MERTK: variants seen among roughly 807,000 people sequenced by gnomAD.
MERTK encodes the protein tyrosine-protein kinase Mer.
A neutral mutation model predicts 99.3 loss-of-function variants in MERTK; 69 were observed. That is an observed-to-expected ratio of 0.70 (90% CI 0.57 to 0.85). The LOEUF is 0.85. Among genes scored for constraint, MERTK ranks in the 40% least tolerant of loss-of-function variants. The pLI is 0.00. For synonymous variants in MERTK, 426 were observed against 467.6 expected, an observed-to-expected ratio of 0.91 and a Z score of 1.15; for missense variants, 1,125 against 1,249.4, an observed-to-expected ratio of 0.90 and a Z score of 1.50.
At chr2:111,925,894 G>A (rs889385583) in intron 1 of MERTK, among the ~76,000 whole-genome samples, 2 of 150,570 alleles carry the variant, frequency 1.3e-5, no homozygotes, top group African/African-American at 2.4e-5. Context: ...GTACAGTGGC[G>A]CGATCTCGGC....
chr2:111,941,031 G>C, intron 2 of MERTK: 1 of 532,726 alleles, frequency 1.9e-6, no homozygotes, highest in South Asian at 1.7e-5. Context: ...GCTTTCATTG[G>C]AACATGCTCC....
intron 2 of MERTK, among the ~76,000 whole-genome samples, chr2:111,938,527 T>G (rs1304250060): frequency 6.6e-6 from 1 of 152,168 alleles, no homozygotes; most frequent in African/African-American, 2.4e-5. Flanking sequence ...GGACTGAGGG[T>G]TAGAGACATG....
rs200274222 is a variant in MERTK at position 111,925,871 on chromosome 2, C to G, written c.62-3249C>G. ...TTTCTGAGACAGAGTCTCGCTCTGT[C>G]CCCCAGGCTAGAGTACAGTGGCGCG... is the stretch of plus-strand genomic sequence containing the variant. On this transcript the variant is annotated intron_variant, in intron 1 of 18. Transcript: ENST00000295408. Among the ~76,000 whole-genome samples the G allele has an allele frequency of 2.0e-5, 3 of 150,786 alleles. No homozygotes were observed. The East Asian group carries it at 5.9e-4, about 30-fold the overall frequency.
intron 2 of MERTK, among the ~76,000 whole-genome samples, chr2:111,932,891 G>T (rs996601529): frequency 1.3e-5 from 2 of 152,138 alleles, no homozygotes; most frequent in Non-Finnish European, 2.9e-5. Context: ...CGAAGGGGAC[G>T]TTATCTCAGG....
rs991452840 is a variant in MERTK at position 111,940,725 on chromosome 2, A to G, written c.483-4235A>G. The stretch of plus-strand genomic sequence containing the variant: ...CATTGTCAGCAGTTTTTGCATTATC[A>G]GGTACTAAGTCCTTGTATTTTTCAG... On this transcript the variant is annotated intron_variant, in intron 2 of 18. Coordinates refer to ENST00000295408, the MANE Select transcript of MERTK (RefSeq NM_006343.3). The G allele has an allele frequency of 4.5e-5, 37 of 830,492 alleles. No individual in the cohort carries two copies. In the Middle Eastern group the frequency reaches 8.9e-4, roughly 20 times the overall value. 51.4% of individuals were successfully genotyped at this position (830,492 alleles called of 1,614,324 possible). A position where few individuals can be genotyped will look rare whatever the true frequency, so the allele number is the denominator to read the frequency against.
chr2:111,926,692 A>G (rs1372773747), intron 1 of MERTK, among the ~76,000 whole-genome samples: 1 of 152,120 alleles, frequency 6.6e-6, no homozygotes, highest in Non-Finnish European at 1.5e-5. Context: ...GCGCCACTGC[A>G]CTCCACTCCA....
chr2:111,958,864 C>T (rs79726026), intron 4 of MERTK, among the ~76,000 whole-genome samples: 2 of 152,126 alleles, frequency 1.3e-5, no homozygotes, highest in East Asian at 1.9e-4. Flanking sequence ...AATAAACCTC[C>T]GGTTTTACCA....
chr2:111,901,351 C>A (rs1684039282), intron 1 of MERTK, among the ~76,000 whole-genome samples: 1 of 152,004 alleles, frequency 6.6e-6, no homozygotes, highest in Non-Finnish European at 1.5e-5. Context: ...TATTTCTTTT[C>A]CAAACTGATA....
rs762501941 is a variant in MERTK at position 112,019,536 on chromosome 2, G to A, written c.2189+14G>A. The A allele has an allele frequency of 1.3e-6, 2 of 1,584,296 alleles. No homozygotes were observed. Among genetic ancestry groups the A allele is most frequent in the South Asian group, 2.2e-5 (2 of 90,446 alleles). On this transcript the variant is annotated intron_variant, in intron 16 of 18. Transcript: ENST00000295408. ...TCGAAACTGCATGTAAGAGTCCTCG[G>A]CTATCCTGGAAGGGTTTGGACCTCA...
At chr2:111,976,304 A>G (rs1342430787) in intron 7 of MERTK, among the ~76,000 whole-genome samples, 2 of 152,164 alleles carry the variant, frequency 1.3e-5, no homozygotes, top group East Asian at 3.9e-4. Flanking sequence ...CCTCCAGGTT[A>G]TGGGTCAGGA....
Position 112,024,694 on chromosome 2 carries a change from C to T in MERTK, c.2486+2300C>T, listed in dbSNP as rs568928291. 9.2e-5 allele frequency among the ~76,000 whole-genome samples: 14 copies of T among 152,286 alleles called. No homozygotes were observed. In the East Asian group the frequency reaches 2.5e-3, roughly 27 times the overall value. On this transcript the variant is annotated intron_variant, in intron 18 of 18. Transcript: ENST00000295408. Reference sequence around the variant, plus strand: ...CTGTAATCCTAGCACTTTGGGAGGCCAAGACAGGAGGATTGCTTGAGGCCA... The same window carrying T: ...CTGTAATCCTAGCACTTTGGGAGGCTAAGACAGGAGGATTGCTTGAGGCCA...
chr2:112,021,619 A>G (rs368992537), intron 17 of MERTK, 38 bp downstream of exon 17: 500 of 1,561,432 alleles, frequency 3.2e-4, no homozygotes, highest in South Asian at 1.1e-3. Context: ...CCCACAGCAC[A>G]AAGAGGAGGG....
chr2:112,006,446 G>T (rs1676982029), intron 13 of MERTK, among the ~76,000 whole-genome samples: 1 of 152,102 alleles, frequency 6.6e-6, no homozygotes, highest in Non-Finnish European at 1.5e-5. Flanking sequence ...CAAGCACTGA[G>T]CCATATTCTG....
intron 18 of MERTK, among the ~76,000 whole-genome samples, chr2:112,023,958 C>T (rs913810962): frequency 4.6e-5 from 7 of 152,082 alleles, no homozygotes; most frequent in African/African-American, 1.7e-4. Context: ...GTCCCTTTGC[C>T]CACAGGCTTT....
chr2:111,954,856 T>A (rs1685119702), intron 4 of MERTK, among the ~76,000 whole-genome samples: 1 of 152,228 alleles, frequency 6.6e-6, no homozygotes, highest in Non-Finnish European at 1.5e-5. Flanking sequence ...AGTTGCTGAC[T>A]GTTCCCTTGT....
intron 4 of MERTK, among the ~76,000 whole-genome samples, chr2:111,961,271 C>G (rs1278441938): frequency 6.7e-6 from 1 of 150,016 alleles, no homozygotes; most frequent in African/African-American, 2.5e-5. Context: ...AGCCATTCTC[C>G]TGCCTCAGCT....
At chr2:111,960,931 G>A (rs1685237831) in intron 4 of MERTK, among the ~76,000 whole-genome samples, 1 of 151,530 alleles carries the variant, frequency 6.6e-6, no homozygotes, top group African/African-American at 2.4e-5. Flanking sequence ...AGTAATACAA[G>A]CAGAAGATAT....
At chr2:111,990,335 C>T (rs1042322191) in intron 8 of MERTK, among the ~76,000 whole-genome samples, 3 of 152,184 alleles carry the variant, frequency 2.0e-5, no homozygotes, top group African/African-American at 7.2e-5. Flanking sequence ...ATCACTATGG[C>T]AACATTTATT....
intron 15 of MERTK, among the ~76,000 whole-genome samples, chr2:112,018,371 A>G (rs552034675): frequency 1.3e-5 from 2 of 152,222 alleles, no homozygotes; most frequent in South Asian, 4.1e-4. Context: ...CTTTCCTGGA[A>G]ATCAGTATCT....
Sources: allele counts gnomAD v4.1 joint callset (sites outside exome capture counted in the v4.1 genomes callset), GRCh38; gene constraint gnomAD v4.1.1; transcripts MANE v1.5; gene names NCBI Gene and HGNC (gene_info 2026-07-23, HGNC 2026-07-21).